Variants in MKLN1 observed in about 807,000 individuals in gnomAD.
The protein encoded by MKLN1 is muskelin.
A neutral mutation model predicts 99.0 loss-of-function variants in MKLN1; 18 were observed. The ratio of observed to expected loss-of-function variants is 0.18; its 90% CI spans 0.13 to 0.27. The LOEUF (loss-of-function observed/expected upper bound fraction) is 0.27, where lower values mean the gene tolerates loss of function less well. Among genes scored for constraint, MKLN1 ranks in the 10% least tolerant of loss-of-function variants. The probability of loss-of-function intolerance (pLI) is 1.00; values close to 1 mark genes in which losing one functional copy is unlikely to be tolerated. For missense variants in MKLN1, 621 were observed against 875.9 expected (o/e 0.71, Z 3.67); for synonymous variants, 288 against 293.2 (o/e 0.98, Z 0.18).
chr7:131,419,309 G>A (rs954019649), intron 8 of MKLN1, among the ~76,000 whole-genome samples: 3 of 144,930 alleles, frequency 2.1e-5, no homozygotes, highest in African/African-American at 7.7e-5. Flanking sequence ...GGAGTGCAGT[G>A]GCATGATCTC....
At chr7:131,170,442 C>A (rs1796199334) in intron 2 of MKLN1, among the ~76,000 whole-genome samples, 1 of 152,178 alleles carries the variant, frequency 6.6e-6, no homozygotes, top group Non-Finnish European at 1.5e-5. Flanking sequence ...GACTTTACAG[C>A]TTTAATTTAA....
At chr7:131,206,310 T>G (rs1796809138) in intron 3 of MKLN1, among the ~76,000 whole-genome samples, 1 of 152,172 alleles carries the variant, frequency 6.6e-6, no homozygotes, top group Admixed American at 6.5e-5. Context: ...CAGCTGTACC[T>G]AGATTATTGT....
At chr7:131,417,018 A>G (rs889517696) in intron 8 of MKLN1, among the ~76,000 whole-genome samples, 8 of 151,818 alleles carry the variant, frequency 5.3e-5, no homozygotes, top group Admixed American at 6.6e-5. Flanking sequence ...AAGAGGAAAA[A>G]TGTTATTTGA....
Position 131,305,208 on chromosome 7 carries a change from A to G in MKLN1, c.-178-70216A>G, listed in dbSNP as rs7801902. ...GAAGCATGAACAGACTCAACCTTAA[A>G]TAGCATAGCAACCATGAAACCCCTT... On this transcript the variant is annotated intron_variant, in intron 3 of 7. Coordinates refer to the MKLN1 transcript ENST00000416992. Among the ~76,000 whole-genome samples the G allele has an allele frequency of 2.8e-3, 424 of 152,332 alleles. 4 individuals carry two copies. Among genetic ancestry groups the G allele is most frequent in the African/African-American group, 9.6e-3 (398 of 41,580 alleles).
upstream of MKLN1, chr7:131,327,122 C>G (rs563792026): frequency 1.3e-5 from 2 of 152,366 alleles, no homozygotes; most frequent in East Asian, 3.9e-4. Context: ...GAACTACTCT[C>G]TCTCTGAACT....
chr7:131,142,155 C>T (rs1443038348), intron 1 of MKLN1, among the ~76,000 whole-genome samples: 2 of 151,964 alleles, frequency 1.3e-5, no homozygotes, highest in East Asian at 3.9e-4. Flanking sequence ...CGCCTGTAAT[C>T]CCAACACTGG....
intron 3 of MKLN1, among the ~76,000 whole-genome samples, chr7:131,228,151 C>A (rs894082476): frequency 6.6e-6 from 1 of 152,178 alleles, no homozygotes; most frequent in Non-Finnish European, 1.5e-5. Context: ...GCAGCCTTAA[C>A]CTCCCAGGCT....
At chr7:131,282,217 C>T (rs1330632488) in intron 3 of MKLN1, among the ~76,000 whole-genome samples, 14 of 151,940 alleles carry the variant, frequency 9.2e-5, no homozygotes, top group East Asian at 7.8e-4. Flanking sequence ...GGCATGGTGG[C>T]GCATGCCTGT....
At chr7:131,399,144 G>A in intron 5 of MKLN1, 97 bp from the exon 6 acceptor site, 3 of 1,017,424 alleles carry the variant, frequency 2.9e-6, no homozygotes, top group Non-Finnish European at 4.5e-6. Flanking sequence ...GTTAATAAAT[G>A]CTCAGTGTAG....
intron 3 of MKLN1, among the ~76,000 whole-genome samples, chr7:131,243,228 C>T (rs959499573): frequency 6.6e-6 from 1 of 152,128 alleles, no homozygotes; most frequent in Admixed American, 6.6e-5. Flanking sequence ...GTGTCAGTTA[C>T]TTGAAGAAAA....
chr7:131,140,418 G>A (rs1281224969), intron 1 of MKLN1, among the ~76,000 whole-genome samples: 1 of 152,134 alleles, frequency 6.6e-6, no homozygotes, highest in Non-Finnish European at 1.5e-5. Context: ...TGGAGGTGGG[G>A]CCTGGTGGGA....
chr7:131,194,772 G>A (rs1796617391), intron 2 of MKLN1, among the ~76,000 whole-genome samples: 1 of 152,188 alleles, frequency 6.6e-6, no homozygotes, highest in African/African-American at 2.4e-5. Flanking sequence ...AGTGCAGTAA[G>A]TCCAGGCAAA....
At chr7:131,342,785 A>G (rs540200406) in intron 1 of MKLN1, among the ~76,000 whole-genome samples, 1 of 152,306 alleles carries the variant, frequency 6.6e-6, no homozygotes, top group East Asian at 1.9e-4. Flanking sequence ...GGAGATCTCT[A>G]TTTTCTACAA....
rs1364368964 is a variant in MKLN1 at position 131,281,308 on chromosome 7, C to T, written c.-179+78334C>T. Reference sequence around the variant, plus strand: ...GTTGAAAAAACGGTTCTTTCCCTATCGAATTGTCTTGGCACTCTTCAGAAA... The same window carrying T: ...GTTGAAAAAACGGTTCTTTCCCTATTGAATTGTCTTGGCACTCTTCAGAAA... On this transcript the variant is annotated intron_variant, in intron 3 of 7. Coordinates refer to the MKLN1 transcript ENST00000416992. Among the ~76,000 whole-genome samples the T allele has an allele frequency of 5.9e-5, 9 of 151,484 alleles. No individual in the cohort carries two copies. In the East Asian group the frequency reaches 1.5e-3, roughly 26 times the overall value.
chr7:131,438,623 T>G (rs951923992), intron 10 of MKLN1, among the ~76,000 whole-genome samples: 3 of 151,932 alleles, frequency 2.0e-5, no homozygotes, highest in African/African-American at 7.2e-5. Flanking sequence ...TTACCTGTCT[T>G]TGAATACTTA....
chr7:131,479,679 TAGC>T (rs1245359310), intron 17 of MKLN1, among the ~76,000 whole-genome samples: 2 of 151,202 alleles, frequency 1.3e-5, no homozygotes, highest in East Asian at 1.9e-4. Flanking sequence ...ACCAAAAAAT[TAGC>T]AGGGTGTGGT....
At chr7:131,396,275 G>A (rs1222804733) in intron 4 of MKLN1, among the ~76,000 whole-genome samples, 1 of 152,078 alleles carries the variant, frequency 6.6e-6, no homozygotes, top group East Asian at 1.9e-4. Context: ...GTTTCACTGT[G>A]TTTGCCAGGC....
intron 2 of MKLN1, among the ~76,000 whole-genome samples, chr7:131,151,726 T>C (rs1475765846): frequency 1.3e-5 from 2 of 151,972 alleles, no homozygotes; most frequent in African/African-American, 4.8e-5. Flanking sequence ...AAGAAGAAAA[T>C]AAAAATCACC....
chr7:131,245,337 G>A (rs1026042331), intron 3 of MKLN1, among the ~76,000 whole-genome samples: 5 of 146,326 alleles, frequency 3.4e-5, no homozygotes, highest in South Asian at 2.2e-4. Flanking sequence ...GCGTGATCTC[G>A]GCTCACTGCA....
Sources: allele counts gnomAD v4.1 joint callset (sites outside exome capture counted in the v4.1 genomes callset), GRCh38; gene constraint gnomAD v4.1.1; transcripts MANE v1.5; gene names NCBI Gene and HGNC (gene_info 2026-07-23, HGNC 2026-07-21).